TECPR2: variants seen among roughly 807,000 people sequenced by gnomAD.
TECPR2 encodes tectonin beta-propeller repeat containing 2.
In TECPR2, 65 loss-of-function variants were observed where a neutral mutation model predicts 138.1. The ratio of observed to expected loss-of-function variants is 0.47; its 90% CI spans 0.39 to 0.58. TECPR2 has a LOEUF of 0.58. Among genes scored for constraint, TECPR2 ranks in the 20% least tolerant of loss-of-function variants. The pLI is 0.00. For missense variants in TECPR2, 1,553 were observed against 1,824.5 expected (o/e 0.85, Z 2.71); for synonymous variants, 746 against 749.8 (o/e 0.99, Z 0.08).
In TECPR2 at chr14:102,496,960, A is replaced by ATTTC; in HGVS notation, c.3790-19_3790-18insTTTC. 1.2e-6 allele frequency: 2 copies of ATTTC among 1,611,964 alleles called. No individual in the cohort carries two copies. The highest frequency in any genetic ancestry group is 1.7e-6 in the Non-Finnish European group (2 of 1,178,942). ...TCACCCAACTCCTGCCTTCCCTGAAAGTCCCTTCCCGCTTCCAGCCCGCCG... is the reference window on the plus strand; with the variant it reads ...TCACCCAACTCCTGCCTTCCCTGAAATTTCGTCCCTTCCCGCTTCCAGCCCGCCG... On this transcript the variant is annotated intron_variant, in intron 17 of 19. Transcript: ENST00000359520.
chr14:102,366,690 C>G (rs1267224621), intron 1 of TECPR2, among the ~76,000 whole-genome samples: 1 of 152,168 alleles, frequency 6.6e-6, no homozygotes, highest in East Asian at 1.9e-4. Flanking sequence ...GCAGTAAGAC[C>G]TGAAGTTAAC....
chr14:102,461,215 G>A (rs1360344329), intron 16 of TECPR2, among the ~76,000 whole-genome samples: 1 of 152,150 alleles, frequency 6.6e-6, no homozygotes, highest in African/African-American at 2.4e-5. Context: ...TAAGATGCTT[G>A]TAACATTTCA....
At chr14:102,444,289 C>G (rs900573886) in intron 12 of TECPR2, among the ~76,000 whole-genome samples, 2 of 151,408 alleles carry the variant, frequency 1.3e-5, no homozygotes, top group African/African-American at 4.9e-5. Context: ...GACCTCCGGG[C>G]TCAGGTGATC....
Position 102,425,161 on chromosome 14 carries a change from T to A in TECPR2, c.821T>A (p.Leu274Gln). The change falls in exon 6 of 20, where the codon CTG (leucine) becomes CAG (glutamine). Residue 274 changes from leucine to glutamine, a missense_variant. Transcript: ENST00000359520. ...AAGCCTTTTGAACTGCACCCGCGTC[T>A]GGAATCCCCCAACAGTGGAAGTTGC... ...GVKPFELHPRLESPNSGSCSL... is the reference protein window; with the variant it reads ...GVKPFELHPRQESPNSGSCSL... 1.2e-6 allele frequency: 2 copies of A among 1,614,208 alleles called. No homozygotes were observed. Among genetic ancestry groups the A allele is most frequent in the Non-Finnish European group, 1.7e-6 (2 of 1,180,038 alleles).
rs1049403850 is a variant in TECPR2 at position 102,420,833 on chromosome 14, T to C, written c.639-4146T>C. Among the ~76,000 whole-genome samples, 2 of 152,070 alleles carry C rather than the reference T, an allele frequency of 1.3e-5. No individual in the cohort carries two copies. Among genetic ancestry groups the C allele is most frequent in the Non-Finnish European group, 2.9e-5 (2 of 67,998 alleles). On this transcript the variant is annotated intron_variant, in intron 5 of 19. Transcript: ENST00000359520. The surrounding 1 kb of genome is among the most constrained non-coding windows in gnomAD (Gnocchi z 4.1). ...GCTCAGCAGGGCTCCTTTCCCTTCC[T>C]CCAGGGTAAGAGTCCACCTGGTGTT...
At position 102,431,500 on chromosome 14, in the gene TECPR2, G is replaced by A. The variant is rs533530750; in HGVS notation, c.1085-296G>A. Among the ~76,000 whole-genome samples the A allele has an allele frequency of 9.8e-4, 149 of 152,010 alleles. 1 individual carries two copies. The highest frequency in any genetic ancestry group is 3.2e-3 in the African/African-American group (133 of 41,402). ...TGGGACCCCCGGCGCCCGCCACCATGCCCGGCTAATTTTTTGTATTTTTAG... is the reference window on the plus strand; with the variant it reads ...TGGGACCCCCGGCGCCCGCCACCATACCCGGCTAATTTTTTGTATTTTTAG... On this transcript the variant is annotated intron_variant, in intron 7 of 19. Coordinates refer to ENST00000359520, the MANE Select transcript of TECPR2 (RefSeq NM_014844.5).
chr14:102,463,424 A>G (rs1218504387), intron 16 of TECPR2, among the ~76,000 whole-genome samples: 1 of 147,630 alleles, frequency 6.8e-6, no homozygotes, highest in African/African-American at 2.6e-5. Flanking sequence ...CTCAAAAAAA[A>G]AAAAAAAAAA....
chr14:102,474,436 C>A (rs1486263565), intron 17 of TECPR2, among the ~76,000 whole-genome samples: 1 of 151,902 alleles, frequency 6.6e-6, no homozygotes, highest in Non-Finnish European at 1.5e-5. Flanking sequence ...ACCAGCCTGA[C>A]CAATATGGAG....
Position 102,433,815 on chromosome 14 carries a change from C to T in TECPR2, c.1418-420C>T, listed in dbSNP as rs113638467. On this transcript the variant is annotated intron_variant, in intron 8 of 19. Coordinates refer to ENST00000359520, the MANE Select transcript of TECPR2 (RefSeq NM_014844.5). The stretch of plus-strand genomic sequence containing the variant: ...AGGATGGCTTATGAGCGTGAACCAC[C>T]GTGCACAGCCCAGATTTCATTCTTT... 6.6e-3 allele frequency among the ~76,000 whole-genome samples: 1,004 copies of T among 152,266 alleles called. 4 individuals are homozygous for T. Among genetic ancestry groups the T allele is most frequent in the Non-Finnish European group, 0.01 (683 of 68,030 alleles).
chr14:102,485,224 G>T (rs1890997753), intron 17 of TECPR2, among the ~76,000 whole-genome samples: 1 of 152,170 alleles, frequency 6.6e-6, no homozygotes, highest in Admixed American at 6.5e-5. Context: ...TTTAGGTGCT[G>T]GTGGGGCTGC....
intron 14 of TECPR2, 85 bp downstream of exon 14, chr14:102,449,954 C>A (rs1890098228): frequency 1.3e-6 from 2 of 1,555,384 alleles, no homozygotes; most frequent in Admixed American, 3.7e-5. Context: ...TTTAAGATCT[C>A]AACTTGAAAA....
chr14:102,403,160 G>A (rs1888542274), intron 2 of TECPR2, among the ~76,000 whole-genome samples: 1 of 152,142 alleles, frequency 6.6e-6, no homozygotes, highest in Non-Finnish European at 1.5e-5. Context: ...AGTAAATTCA[G>A]CAGCATATTA....
chr14:102,493,822 A>G (rs1008273676), intron 17 of TECPR2, among the ~76,000 whole-genome samples: 2 of 152,196 alleles, frequency 1.3e-5, no homozygotes, highest in African/African-American at 4.8e-5. Context: ...TCACCGGTGC[A>G]TCTGAGGTTC....
Position 102,500,449 on chromosome 14 carries a change from T to A in TECPR2, c.*2192T>A, listed in dbSNP as rs1891412661. 6.6e-6 allele frequency: 1 copy of A among 152,280 alleles called. No individual in the cohort carries two copies. The highest frequency in any genetic ancestry group is 2.4e-5 in the African/African-American group (1 of 41,454). 9.4% of individuals were successfully genotyped at this position (152,280 alleles called of 1,614,324 possible). A position where few individuals can be genotyped will look rare whatever the true frequency, so the allele number is the denominator to read the frequency against. On this transcript the variant is annotated 3_prime_UTR_variant, in exon 20 of 20. Transcript: ENST00000359520. Reference sequence around the variant, plus strand: ...GGCTGCCTCCTCATGGAGCTGTGTGTGAGCAGGCGTTGGAGGGGTTCGAGC... The same window carrying A: ...GGCTGCCTCCTCATGGAGCTGTGTGAGAGCAGGCGTTGGAGGGGTTCGAGC...
chr14:102,440,692 C>A, intron 11 of TECPR2, 83 bp downstream of exon 11: 1 of 1,474,288 alleles, frequency 6.8e-7, no homozygotes, highest in Non-Finnish European at 9.2e-7. Flanking sequence ...AACATGCTTA[C>A]CACAATCGCT....
At chr14:102,467,486 A>C (rs1200654961) in intron 17 of TECPR2, among the ~76,000 whole-genome samples, 2 of 151,808 alleles carry the variant, frequency 1.3e-5, no homozygotes, top group African/African-American at 2.4e-5. Context: ...CACCATGCCC[A>C]GGTGATTTTT....
At chr14:102,371,453 A>G (rs1887506783) in intron 1 of TECPR2, among the ~76,000 whole-genome samples, 1 of 152,192 alleles carries the variant, frequency 6.6e-6, no homozygotes, top group Non-Finnish European at 1.5e-5. Context: ...TGAAGGACAG[A>G]CAAGCCTGGT....
rs1889120612 is a variant in TECPR2 at position 102,419,480 on chromosome 14, C to G, written c.638+4687C>G. ...GTGACGCGGGTGCCTGTGGAGGGAA[C>G]ACAGTGCTGGTGGGGACAGAGTGCA... On this transcript the variant is annotated intron_variant, in intron 5 of 19. Coordinates refer to ENST00000359520, the MANE Select transcript of TECPR2 (RefSeq NM_014844.5). This position sits in a 1 kb window ranked among gnomAD's most constrained non-coding sequence, Gnocchi z 4.8. Among the ~76,000 whole-genome samples the G allele has an allele frequency of 6.6e-6, 1 of 152,064 alleles. No individual in the cohort carries two copies. Among genetic ancestry groups the G allele is most frequent in the Non-Finnish European group, 1.5e-5 (1 of 68,012 alleles).
intron 5 of TECPR2, among the ~76,000 whole-genome samples, chr14:102,418,125 C>CGGTCT (rs1213161484): frequency 1.3e-5 from 2 of 152,060 alleles, no homozygotes; most frequent in African/African-American, 4.8e-5. Context: ...TTCTGTGGAC[C>CGGTCT]GGTCTGGAGC....
Sources: gnomAD v4.1 joint callset for allele counts (sites outside exome capture counted in the v4.1 genomes callset) on GRCh38, gnomAD v4.1.1 for gene constraint, Gnocchi (gnomAD v3.1) non-coding constraint, MANE v1.5 for transcripts, NCBI Gene and HGNC (gene_info 2026-07-23, HGNC 2026-07-21) for gene names.